The following GAS7 variants were observed in gnomAD, a reference collection of about 807,000 sequenced individuals.
GAS7 encodes growth arrest-specific protein 7.
A neutral mutation model predicts 71.1 loss-of-function variants in GAS7; 28 were observed. The ratio of observed to expected loss-of-function variants is 0.39; its 90% CI spans 0.29 to 0.54. The LOEUF (loss-of-function observed/expected upper bound fraction) is 0.54, where lower values mean the gene tolerates loss of function less well. Among genes scored for constraint, GAS7 ranks in the 20% least tolerant of loss-of-function variants. GAS7 has a pLI of 0.62. For synonymous variants in GAS7, 258 were observed against 245.8 expected, an observed-to-expected ratio of 1.05 and a Z score of -0.46; for missense variants, 436 against 627.8, an observed-to-expected ratio of 0.69 and a Z score of 3.27.
intron 1 of GAS7, among the ~76,000 whole-genome samples, chr17:10,126,069 G>A (rs1225598933): frequency 6.6e-6 from 1 of 152,130 alleles, no homozygotes; most frequent in African/African-American, 2.4e-5. Context: ...ACCTGCCAGG[G>A]ACCCACAGCA....
chr17:10,059,915 C>A (rs567668212), intron 1 of GAS7: 10 of 592,756 alleles, frequency 1.7e-5, no homozygotes, highest in Non-Finnish European at 2.1e-5. Flanking sequence ...ATTCTGCAAT[C>A]GGGAAAGCAT....
chr17:10,194,600 G>A (rs935134529), intron 1 of GAS7, among the ~76,000 whole-genome samples: 2 of 152,196 alleles, frequency 1.3e-5, no homozygotes, highest in Non-Finnish European at 2.9e-5. Flanking sequence ...GGCCTAGCTT[G>A]GAGCTGGCAG....
At chr17:10,128,745 G>A (rs889803160) in intron 1 of GAS7, among the ~76,000 whole-genome samples, 17 of 150,814 alleles carry the variant, frequency 1.1e-4, no homozygotes, top group East Asian at 3.9e-4. Context: ...TCAGCCTCCC[G>A]AGTAGCTGGG....
At chr17:9,965,252 A>G (rs1248237185) in intron 4 of GAS7, among the ~76,000 whole-genome samples, 1 of 151,838 alleles carries the variant, frequency 6.6e-6, no homozygotes, top group Non-Finnish European at 1.5e-5. Context: ...TTACAACAGC[A>G]AAGACTTGGA....
intron 1 of GAS7, among the ~76,000 whole-genome samples, chr17:10,080,204 A>G (rs1425874619): frequency 6.6e-6 from 1 of 152,188 alleles, no homozygotes; most frequent in Non-Finnish European, 1.5e-5. Context: ...CTCGCTGCTC[A>G]TTATACGCTA....
intron 5 of GAS7, among the ~76,000 whole-genome samples, chr17:9,958,105 CCCCATTT>C (rs543565227): frequency 6.6e-6 from 1 of 152,122 alleles, no homozygotes; most frequent in Non-Finnish European, 1.5e-5. Context: ...ACCCACTACC[CCCCATTT>C]CCCCACTTGA....
chr17:9,934,011 T>C lies in GAS7; in HGVS notation c.885+155A>G, dbSNP rs190885742. The stretch of plus-strand genomic sequence containing the variant: ...CTCATGGTGAGCCACTGGGCAGATA[T>C]CTCTTCCCAACTCCGTATTCCGTGA... On this transcript the variant is annotated intron_variant, in intron 9 of 13. Transcript: ENST00000432992. 2.3e-3 allele frequency among the ~76,000 whole-genome samples: 343 copies of C among 152,310 alleles called. 3 individuals carry two copies. Among genetic ancestry groups the C allele is most frequent in the Middle Eastern group, 0.01 (3 of 294 alleles).
In GAS7 at chr17:9,973,322, C is replaced by T. The variant is rs1159004601; in HGVS notation, c.386-3560G>A. On this transcript the variant is annotated intron_variant, in intron 3 of 13. Transcript: ENST00000432992. ...CAGGCTGGAGTGCAGTGGGCGATCT[C>T]GGCTCACTGCGACCTCCGCCTCCCG... Among the ~76,000 whole-genome samples, 6 of 151,242 alleles carry T rather than the reference C, an allele frequency of 4.0e-5. No homozygotes were observed. In the East Asian group the frequency reaches 5.8e-4, roughly 15 times the overall value.
At chr17:10,097,744 T>C (rs2073657093) in intron 1 of GAS7, among the ~76,000 whole-genome samples, 1 of 151,668 alleles carries the variant, frequency 6.6e-6, no homozygotes. Context: ...GGGTGGGTGG[T>C]AAAAAATGTA....
At chr17:10,081,987 C>T (rs2073461670) in intron 1 of GAS7, among the ~76,000 whole-genome samples, 1 of 152,094 alleles carries the variant, frequency 6.6e-6, no homozygotes, top group African/African-American at 2.4e-5. Flanking sequence ...CTTAGAATGA[C>T]CTAAAGTGTC....
intron 9 of GAS7, among the ~76,000 whole-genome samples, chr17:9,928,273 C>G (rs967482730): frequency 7.0e-6 from 1 of 141,948 alleles, no homozygotes; most frequent in East Asian, 2.0e-4. Flanking sequence ...CCACCACGCC[C>G]GGCTAATTTT....
chr17:10,010,682 C>T (rs549339822), intron 2 of GAS7, among the ~76,000 whole-genome samples: 10 of 152,312 alleles, frequency 6.6e-5, no homozygotes, highest in Admixed American at 2.6e-4. Flanking sequence ...CTACCTTAGA[C>T]GTGCCCAGAA....
intron 1 of GAS7, among the ~76,000 whole-genome samples, chr17:10,047,964 C>T (rs979144796): frequency 2.6e-5 from 4 of 152,124 alleles, no homozygotes; most frequent in Admixed American, 1.3e-4. Flanking sequence ...TTAAAATTAT[C>T]AAGTATTAAT....
chr17:10,081,906 G>T (rs1444716416), intron 1 of GAS7, among the ~76,000 whole-genome samples: 1 of 152,158 alleles, frequency 6.6e-6, no homozygotes, highest in Non-Finnish European at 1.5e-5. Flanking sequence ...TTCCTTCTAG[G>T]TATATGGACC....
chr17:10,161,452 G>A (rs1408777296), intron 1 of GAS7, among the ~76,000 whole-genome samples: 2 of 152,218 alleles, frequency 1.3e-5, no homozygotes, highest in African/African-American at 4.8e-5. Context: ...CCAGAAGAAG[G>A]AGAATCAGAG....
At chr17:10,023,758 C>T (rs1052134712) in intron 1 of GAS7, among the ~76,000 whole-genome samples, 1 of 152,122 alleles carries the variant, frequency 6.6e-6, no homozygotes, top group Admixed American at 6.5e-5. Context: ...GTAATGGTTG[C>T]ACAATATCAT....
chr17:9,925,944 G>A (rs2067985755), intron 10 of GAS7, among the ~76,000 whole-genome samples: 2 of 152,066 alleles, frequency 1.3e-5, no homozygotes, highest in South Asian at 4.1e-4. Context: ...GGCCATCTGT[G>A]TCACCTCCCT....
At chr17:10,027,177 C>G (rs1269684463) in intron 1 of GAS7, 1 of 152,104 alleles carries the variant, frequency 6.6e-6, no homozygotes, top group East Asian at 1.9e-4. Flanking sequence ...GGGCCATGTC[C>G]CTATCCCTCT....
intron 1 of GAS7, 43 bp downstream of exon 1, chr17:10,198,165 G>A: frequency 6.4e-7 from 1 of 1,573,690 alleles, no homozygotes; most frequent in Non-Finnish European, 8.7e-7. Flanking sequence ...GCGCACCGAG[G>A]ACCGCAGCCC....
Sources: gnomAD v4.1 joint callset for allele counts (sites outside exome capture counted in the v4.1 genomes callset) on GRCh38, gnomAD v4.1.1 for gene constraint, MANE v1.5 for transcripts, NCBI Gene and HGNC (gene_info 2026-07-23, HGNC 2026-07-21) for gene names.